Variants in OSGIN1 observed in about 807,000 individuals in gnomAD.
OSGIN1 encodes oxidative stress-induced growth inhibitor 1.
Under a neutral mutation model 20.1 loss-of-function variants are expected in OSGIN1, and 19 were observed. That is an observed-to-expected ratio of 0.95 (90% confidence interval 0.66 to 1.39). OSGIN1 has a LOEUF of 1.39. Among genes scored for constraint, OSGIN1 ranks in the 40% most tolerant of loss-of-function variants. The pLI is 0.00. For missense variants in OSGIN1, 820 were observed against 653.0 expected, an observed-to-expected ratio of 1.26 and a Z score of -2.79; for synonymous variants, 368 against 297.8, an observed-to-expected ratio of 1.24 and a Z score of -2.43.
In OSGIN1 at chr16:83,953,357, C is replaced by G; in HGVS notation, c.-46C>G. The G allele has an allele frequency of 3.1e-6, 4 of 1,288,932 alleles. No homozygotes were observed. Among genetic ancestry groups the G allele is most frequent in the Non-Finnish European group, 4.0e-6 (4 of 988,556 alleles). The allele number at this position is 1,288,932 out of a possible 1,614,324, so 79.8% of individuals were successfully genotyped here. A position where few individuals can be genotyped will look rare whatever the true frequency, so the allele number is the denominator to read the frequency against. On this transcript the variant is annotated 5_prime_UTR_variant, in exon 1 of 6. Coordinates refer to ENST00000393306, the MANE Select transcript of OSGIN1 (RefSeq NM_182981.3). ...TGGCCGGGCTCACTGGGCTCCTGCA[C>G]CACTGCCTGTCAGGTGAGTGTCCGG...
chr16:83,962,707 G>T (rs542642068), intron 5 of OSGIN1, among the ~76,000 whole-genome samples: 1 of 152,230 alleles, frequency 6.6e-6, no homozygotes, highest in Non-Finnish European at 1.5e-5. Context: ...GTTCCGTCCA[G>T]AGGCGGGACA....
intron 5 of OSGIN1, among the ~76,000 whole-genome samples, chr16:83,963,110 C>T (rs1597182907): frequency 4.6e-5 from 7 of 152,204 alleles, no homozygotes; most frequent in African/African-American, 7.2e-5. Context: ...GTGTCCCCAA[C>T]GGCAGGCACT....
chr16:83,959,019 C>A (rs1470740151), intron 2 of OSGIN1, among the ~76,000 whole-genome samples: 1 of 152,176 alleles, frequency 6.6e-6, no homozygotes, highest in East Asian at 1.9e-4. Flanking sequence ...TGTTGTGAGG[C>A]TGTTGTGAAA....
rs1170351433 is a variant in OSGIN1, at chr16:83,959,192, A to G, written c.68-68A>G. 16 of 1,109,310 alleles carry G rather than the reference A, an allele frequency of 1.4e-5. No homozygotes were observed. The South Asian group carries it at 2.2e-4, about 15-fold the overall frequency. The allele number at this position is 1,109,310 out of a possible 1,614,324, so 68.7% of individuals were successfully genotyped here. Reference sequence around the variant, plus strand: ...GAATGAATGCGCCGCATCTAGATCAAAGCCCTCCACAGTAGTGTCCCCCAC... The same window carrying G: ...GAATGAATGCGCCGCATCTAGATCAGAGCCCTCCACAGTAGTGTCCCCCAC... On this transcript the variant is annotated intron_variant, in intron 2 of 5. Coordinates refer to ENST00000393306, the MANE Select transcript of OSGIN1 (RefSeq NM_182981.3).
intron 1 of OSGIN1, among the ~76,000 whole-genome samples, chr16:83,955,544 G>C (rs371298436): frequency 1.7e-4 from 26 of 152,196 alleles, no homozygotes; most frequent in East Asian, 1.3e-3. Context: ...AAAGGGCGGT[G>C]AGAAACGCTC....
Position 83,958,974 on chromosome 16 carries a change from A to G in OSGIN1, c.68-286A>G, listed in dbSNP as rs149256485. Among the ~76,000 whole-genome samples, 104 of 152,260 alleles carry G rather than the reference A, an allele frequency of 6.8e-4. 1 individual carries two copies. The highest frequency in any genetic ancestry group is 2.4e-3 in the African/African-American group (100 of 41,524). ...TCTGTGCCCATTTCCTCAAGTATAA[A>G]AGGAGGAAAAGAGTGGCACTTACCT... On this transcript the variant is annotated intron_variant, in intron 2 of 5. Transcript: ENST00000393306.
intron 1 of OSGIN1, among the ~76,000 whole-genome samples, chr16:83,955,401 G>A (rs1292607707): frequency 2.6e-5 from 4 of 152,138 alleles, no homozygotes; most frequent in African/African-American, 4.8e-5. Context: ...GACACTGCAC[G>A]TTCCACCCGG....
At chr16:83,956,166 G>C (rs960684672) in intron 1 of OSGIN1, among the ~76,000 whole-genome samples, 1 of 152,172 alleles carries the variant, frequency 6.6e-6, no homozygotes, top group African/African-American at 2.4e-5. Flanking sequence ...CTGTGGGGGC[G>C]ACACATAGGT....
At chr16:83,965,027 T>C in intron 5 of OSGIN1, 35 bp from the exon 6 acceptor site, 2 of 959,996 alleles carry the variant, frequency 2.1e-6, no homozygotes, top group South Asian at 1.4e-5. Flanking sequence ...CCCCTAACAG[T>C]GTCTGACTCT....
At chr16:83,964,997 C>CGG in intron 5 of OSGIN1, 65 bp from the exon 6 acceptor site, 23 of 835,712 alleles carry the variant, frequency 2.8e-5, no homozygotes, top group East Asian at 1.2e-4. Flanking sequence ...GGACATCTCC[C>CGG]GTCCCACCCA....
chr16:83,960,163 C>A (rs367746319), intron 3 of OSGIN1, among the ~76,000 whole-genome samples: 3 of 152,178 alleles, frequency 2.0e-5, no homozygotes, highest in Non-Finnish European at 4.4e-5. Context: ...TGTCCCCACT[C>A]CAGTAAAACA....
chr16:83,953,891 G>C (rs561917918), intron 1 of OSGIN1, among the ~76,000 whole-genome samples: 1 of 152,352 alleles, frequency 6.6e-6, no homozygotes, highest in African/African-American at 2.4e-5. Context: ...GGGAGGCTGG[G>C]GAGCTGCAGG....
chr16:83,956,811 G>A (rs1257237624), intron 1 of OSGIN1, among the ~76,000 whole-genome samples: 1 of 152,368 alleles, frequency 6.6e-6, no homozygotes, highest in Non-Finnish European at 1.5e-5. Context: ...GCCCTCGGGT[G>A]AGGCTGGTGT....
Position 83,959,259 on chromosome 16 carries a change from G to C in OSGIN1, c.68-1G>C. 3 of 1,612,966 alleles carry C rather than the reference G, an allele frequency of 1.9e-6. No individual in the cohort carries two copies. Among genetic ancestry groups the C allele is most frequent in the Non-Finnish European group, 2.5e-6 (3 of 1,179,548 alleles). On this transcript the variant is annotated splice_acceptor_variant, in intron 2 of 5. Transcript: ENST00000393306. LOFTEE classifies it high-confidence loss of function. ...CTTTAACCTCCACCCTCTCTCCCCA[G>C]GTAACGGCCCCTCTGGTATCTGCCT...
At chr16:83,957,535 AC>A (rs1908990181) in intron 1 of OSGIN1, 104 bp from the exon 2 acceptor site, 2 of 679,768 alleles carry the variant, frequency 2.9e-6, no homozygotes, top group Non-Finnish European at 5.4e-6. Context: ...CCCGGACCAG[AC>A]CCTGAGGGCC....
chr16:83,957,670 C>G lies in OSGIN1; in HGVS notation c.-2C>G, dbSNP rs767556262. On this transcript the variant is annotated 5_prime_UTR_variant, in exon 2 of 6. Coordinates refer to ENST00000393306, the MANE Select transcript of OSGIN1 (RefSeq NM_182981.3). ...CTGCCAGCCCCAAGCCCCCCACCAG[C>G]CATGAGCTCCTCCAGAAAGGACCAC... 6 of 1,603,828 alleles carry G rather than the reference C, an allele frequency of 3.7e-6. 1 individual carries two copies. In the South Asian group the frequency reaches 5.6e-5, roughly 15 times the overall value.
intron 2 of OSGIN1, among the ~76,000 whole-genome samples, chr16:83,958,227 C>T (rs894663720): frequency 6.6e-6 from 1 of 152,204 alleles, no homozygotes; most frequent in Admixed American, 6.5e-5. Flanking sequence ...TGAGCGTTTA[C>T]TATGTGGCCA....
chr16:83,966,328 C>T lies in OSGIN1; in HGVS notation c.*321C>T. Reference sequence around the variant, plus strand: ...AGGTCCCAAATAAAGCCAGTGCCCACCTGCTCTCATGCGTCTGAGGACTCT... The same window carrying T: ...AGGTCCCAAATAAAGCCAGTGCCCATCTGCTCTCATGCGTCTGAGGACTCT... On this transcript the variant is annotated 3_prime_UTR_variant, in exon 6 of 6. Coordinates refer to ENST00000393306, the MANE Select transcript of OSGIN1 (RefSeq NM_182981.3). 1 of 407,642 alleles carries T rather than the reference C, an allele frequency of 2.5e-6. No individual in the cohort carries two copies. The highest frequency in any genetic ancestry group is 4.4e-6 in the Non-Finnish European group (1 of 228,008). The allele number at this position is 407,642 out of a possible 1,614,324, so 25.3% of individuals were successfully genotyped here. A position where few individuals can be genotyped will look rare whatever the true frequency, so the allele number is the denominator to read the frequency against.
intron 1 of OSGIN1, among the ~76,000 whole-genome samples, 174 bp downstream of exon 1, chr16:83,953,544 A>C (rs1351466859): frequency 1.3e-5 from 2 of 152,162 alleles, no homozygotes; most frequent in Non-Finnish European, 2.9e-5. Flanking sequence ...ATTCTCCCCT[A>C]CACCAGGTTC....
Sources: allele counts gnomAD v4.1 joint callset (sites outside exome capture counted in the v4.1 genomes callset), GRCh38; gene constraint gnomAD v4.1.1; transcripts MANE v1.5; gene names NCBI Gene and HGNC (gene_info 2026-07-23, HGNC 2026-07-21).